Variants in ASXL1 observed in about 807,000 individuals in gnomAD.
The protein encoded by ASXL1 is ASXL transcriptional regulator 1.
A neutral mutation model predicts 89.1 loss-of-function variants in ASXL1; 65 were observed. The observed-to-expected ratio is 0.73, with a 90% CI of 0.60 to 0.90. ASXL1 has a LOEUF of 0.90. Ranked by LOEUF, ASXL1 falls within the 40% of genes least tolerant of loss-of-function variation. ASXL1 has a pLI of 0.00. For missense variants in ASXL1, 1,786 were observed against 1,942.9 expected (o/e 0.92, Z 1.52); for synonymous variants, 739 against 746.9 (o/e 0.99, Z 0.17).
rs948107833 is a variant in ASXL1, at chr20:32,431,471, A to C, written c.869A>C (p.Glu290Ala). The C allele has an allele frequency of 6.2e-7, 1 of 1,614,076 alleles. No homozygotes were observed. Among genetic ancestry groups the C allele is most frequent in the Non-Finnish European group, 8.5e-7 (1 of 1,179,996 alleles). Residue 290 changes from glutamate to alanine, a missense_variant, in exon 9 of 13, where the codon GAA becomes GCA. Physicochemically the swap from Glu to Ala is moderately radical, Grantham distance 107. Around this residue, in one of 3 missense-constraint regions of ASXL1, gnomAD observed 332 missense variants for 449.7 expected, o/e 0.74. Coordinates refer to ENST00000375687, the MANE Select transcript of ASXL1 (RefSeq NM_015338.6). The stretch of plus-strand genomic sequence containing the variant: ...CAGCAGCTCCTCTTCCTCCTGCCTG[A>C]AGTAGACAGACAGGTGCACATGGGC... ...FQQQLLFLLPEVDRQVGTDGL... is the reference protein window; with the variant it reads ...FQQQLLFLLPAVDRQVGTDGL...
intron 4 of ASXL1, among the ~76,000 whole-genome samples, chr20:32,383,347 C>T (rs1290035812): frequency 6.6e-6 from 1 of 151,778 alleles, no homozygotes; most frequent in East Asian, 1.9e-4. Flanking sequence ...GTCTCTGTCG[C>T]CCAGGCTAGA....
chr20:32,411,551 TTTTTTTA>T (rs1220394737), intron 4 of ASXL1, among the ~76,000 whole-genome samples: 10 of 118,592 alleles, frequency 8.4e-5, no homozygotes, highest in East Asian at 4.2e-4. Flanking sequence ...TTTTTTTTTT[TTTTTTTA>T]AAATATGAAG....
chr20:32,416,734 T>A (rs1158039288), intron 4 of ASXL1, among the ~76,000 whole-genome samples: 1 of 152,180 alleles, frequency 6.6e-6, no homozygotes, highest in African/African-American at 2.4e-5. Flanking sequence ...TATGCTTGGG[T>A]AAAATGGAAG....
chr20:32,432,724 C>G (rs1243693868), intron 10 of ASXL1, 156 bp from the exon 11 acceptor site: 1 of 900,486 alleles, frequency 1.1e-6, no homozygotes, highest in Non-Finnish European at 1.7e-6. Flanking sequence ...GTGAATTTCC[C>G]TTATAGTAGA....
In ASXL1 at chr20:32,436,577, C is replaced by T. The variant is rs201302084; in HGVS notation, c.3865C>T (p.Arg1289Trp). The T allele has an allele frequency of 3.1e-5, 50 of 1,614,082 alleles. No individual in the cohort carries two copies. Among genetic ancestry groups the T allele is most frequent in the Non-Finnish European group, 3.9e-5 (46 of 1,180,060 alleles). Residue 1289 changes from arginine to tryptophan, a missense_variant, in exon 13 of 13, where the codon CGG (arginine) becomes TGG (tryptophan). Coordinates refer to ENST00000375687, the MANE Select transcript of ASXL1 (RefSeq NM_015338.6). ...CTCCTTTGGTCCAGAGCAGACAGGT[C>T]GGGCCCTGGGTGATCAGAGCAATGT... ...VISFGPEQTGRALGDQSNVTG... is the reference protein window; with the variant it reads ...VISFGPEQTGWALGDQSNVTG...
intron 4 of ASXL1, among the ~76,000 whole-genome samples, chr20:32,412,388 T>C (rs1048150742): frequency 4.2e-4 from 64 of 152,210 alleles, no homozygotes; most frequent in African/African-American, 1.4e-3. Context: ...TGTTTATAGT[T>C]CATTTAGGTT....
rs2011726717 is a variant in ASXL1 at position 32,435,043 on chromosome 20, G to A, written c.2331G>A (p.Glu777=). The change falls in exon 13 of 13, where the codon GAG becomes GAA. Residue 777 remains glutamate, a synonymous_variant. Coordinates refer to ENST00000375687, the MANE Select transcript of ASXL1 (RefSeq NM_015338.6). ...SQTSVAERLV[E]QPQLHPDVRT... ...CCTCAGTAGCTGAGAGATTAGTGGA[G>A]CAGCCTCAGTTGCATCCGGATGTTA... 2.5e-6 allele frequency: 4 copies of A among 1,614,200 alleles called. No homozygotes were observed. The highest frequency in any genetic ancestry group is 3.4e-6 in the Non-Finnish European group (4 of 1,180,042).
At chr20:32,416,109 G>C (rs1197240880) in intron 4 of ASXL1, among the ~76,000 whole-genome samples, 3 of 151,888 alleles carry the variant, frequency 2.0e-5, no homozygotes, top group African/African-American at 7.3e-5. Context: ...ATGTATTTTG[G>C]GGGTACAGGT....
intron 4 of ASXL1, among the ~76,000 whole-genome samples, chr20:32,404,868 A>G (rs2048929678): frequency 6.6e-6 from 1 of 152,262 alleles, no homozygotes; most frequent in South Asian, 2.1e-4. Flanking sequence ...AATTTTGTCA[A>G]AGTTTCTGCA....
At chr20:32,359,550 C>T (rs1036847594) in intron 1 of ASXL1, 4 of 650,592 alleles carry the variant, frequency 6.1e-6, no homozygotes, top group East Asian at 5.4e-5. Context: ...CTCACGGACC[C>T]CACTTTGAGA....
At position 32,438,263 on chromosome 20, in the gene ASXL1, C is replaced by T. The variant is rs1312989404; in HGVS notation, c.*925C>T. 4.3e-6 allele frequency: 1 copy of T among 233,442 alleles called. No homozygotes were observed. Among genetic ancestry groups the T allele is most frequent in the Non-Finnish European group, 8.5e-6 (1 of 117,968 alleles). 14.5% of individuals were successfully genotyped at this position (233,442 alleles called of 1,614,324 possible). A position where few individuals can be genotyped will look rare whatever the true frequency, so the allele number is the denominator to read the frequency against. ...ACTTTTTGGCTTCTGTAAGTATGCT[C>T]TATGCACCTCTAATGTTTTATCATG... On this transcript the variant is annotated 3_prime_UTR_variant, in exon 13 of 13. Coordinates refer to ENST00000375687, the MANE Select transcript of ASXL1 (RefSeq NM_015338.6).
chr20:32,414,468 G>A (rs1205931216), intron 4 of ASXL1, among the ~76,000 whole-genome samples: 1 of 151,808 alleles, frequency 6.6e-6, no homozygotes, highest in Non-Finnish European at 1.5e-5. Flanking sequence ...CGACTACTGG[G>A]GAGGCCAAGG....
chr20:32,366,678 C>A, intron 2 of ASXL1: 1 of 609,578 alleles, frequency 1.6e-6, no homozygotes. Context: ...GGTGCAGTGG[C>A]TTTCCCCATC....
Position 32,380,053 on chromosome 20 carries a change from G to A in ASXL1, c.252+10930G>A, listed in dbSNP as rs550945098. ...TCCCAGCACTTTGGTAGGCTGAGGC[G>A]GGCAGATCACCTGAGGTCAGGAGTT... is the stretch of plus-strand genomic sequence containing the variant. On this transcript the variant is annotated intron_variant, in intron 4 of 12. Transcript: ENST00000375687. Among the ~76,000 whole-genome samples the A allele has an allele frequency of 2.5e-3, 385 of 152,054 alleles. 1 individual carries two copies. Among genetic ancestry groups the A allele is most frequent in the African/African-American group, 8.9e-3 (370 of 41,478 alleles).
chr20:32,381,507 CA>C (rs2048484485), intron 4 of ASXL1, among the ~76,000 whole-genome samples: 4 of 149,572 alleles, frequency 2.7e-5, no homozygotes, highest in Admixed American at 2.0e-4. Flanking sequence ...AGCCTCTTAC[CA>C]AAATCTTTTT....
At chr20:32,381,733 C>G (rs896417288) in intron 4 of ASXL1, among the ~76,000 whole-genome samples, 1 of 151,880 alleles carries the variant, frequency 6.6e-6, no homozygotes, top group East Asian at 1.9e-4. Context: ...CCAGGATGGT[C>G]TCGATCTTTT....
At chr20:32,368,778 G>C (rs1379948700) in intron 3 of ASXL1, among the ~76,000 whole-genome samples, 1 of 152,168 alleles carries the variant, frequency 6.6e-6, no homozygotes, top group African/African-American at 2.4e-5. Flanking sequence ...CACTGAAGAA[G>C]TGTTAGTTAT....
At chr20:32,396,631 G>A (rs1329906775) in intron 4 of ASXL1, among the ~76,000 whole-genome samples, 1 of 152,054 alleles carries the variant, frequency 6.6e-6, no homozygotes, top group Non-Finnish European at 1.5e-5. Flanking sequence ...GACTTTTTCT[G>A]TCTCTAATGC....
At chr20:32,366,154 G>A (rs900895108) in intron 1 of ASXL1, among the ~76,000 whole-genome samples, 2 of 152,166 alleles carry the variant, frequency 1.3e-5, no homozygotes, top group African/African-American at 4.8e-5. Context: ...TACCATGTAT[G>A]CTGAGAAGAT....
Sources: allele counts gnomAD v4.1 joint callset (sites outside exome capture counted in the v4.1 genomes callset), GRCh38; gene constraint gnomAD v4.1.1; regional missense constraint gnomAD v4.1.1; transcripts MANE v1.5; gene names NCBI Gene and HGNC (gene_info 2026-07-23, HGNC 2026-07-21).